The following TRPC7 variants were observed in gnomAD, a reference collection of about 807,000 sequenced individuals.
TRPC7 encodes the protein short transient receptor potential channel 7.
A neutral mutation model predicts 90.1 loss-of-function variants in TRPC7; 42 were observed. The observed-to-expected ratio is 0.47, with a 90% CI of 0.36 to 0.60. The LOEUF is 0.60. Among genes scored for constraint, TRPC7 ranks in the 20% least tolerant of loss-of-function variants. TRPC7 has a pLI of 0.00. For synonymous variants in TRPC7, 451 were observed against 436.3 expected (o/e 1.03, Z -0.42); for missense variants, 955 against 1,112.3 (o/e 0.86, Z 2.01).
At chr5:136,289,930 C>T (rs1045327961) in intron 3 of TRPC7, among the ~76,000 whole-genome samples, 1 of 152,208 alleles carries the variant, frequency 6.6e-6, no homozygotes, top group Non-Finnish European at 1.5e-5. Flanking sequence ...GCCAGGTACT[C>T]CTCTGAGACA....
At chr5:136,330,671 C>T (rs1021037598) in intron 2 of TRPC7, among the ~76,000 whole-genome samples, 2 of 152,242 alleles carry the variant, frequency 1.3e-5, no homozygotes, top group African/African-American at 2.4e-5. Flanking sequence ...TGTGTTTACA[C>T]ACCCGAGGGA....
intron 2 of TRPC7, among the ~76,000 whole-genome samples, chr5:136,317,194 T>C (rs1417293040): frequency 6.6e-6 from 1 of 152,118 alleles, no homozygotes; most frequent in Non-Finnish European, 1.5e-5. Flanking sequence ...GGCTCAGGCG[T>C]GTAAGAAACT....
At chr5:136,326,674 G>A (rs1759357241) in intron 2 of TRPC7, among the ~76,000 whole-genome samples, 1 of 152,170 alleles carries the variant, frequency 6.6e-6, no homozygotes, top group Non-Finnish European at 1.5e-5. Context: ...CAGTTAATGT[G>A]GTTGTTTTTT....
intron 2 of TRPC7, among the ~76,000 whole-genome samples, chr5:136,350,696 C>T (rs1566404): frequency 6.6e-6 from 1 of 152,054 alleles, no homozygotes; most frequent in African/African-American, 2.4e-5. Flanking sequence ...GTATGGGGTC[C>T]TGTGTCCAGA....
chr5:136,244,253 G>C (rs1443214053), intron 7 of TRPC7, among the ~76,000 whole-genome samples: 1 of 150,772 alleles, frequency 6.6e-6, no homozygotes, highest in Non-Finnish European at 1.5e-5. Flanking sequence ...GCCCAGGCTG[G>C]TCTCAAACTC....
intron 2 of TRPC7, among the ~76,000 whole-genome samples, chr5:136,331,519 CTT>C (rs927123743): frequency 6.6e-6 from 1 of 152,148 alleles, no homozygotes; most frequent in Non-Finnish European, 1.5e-5. Context: ...GCAAATTAAA[CTT>C]GAGTTCCTTT....
chr5:136,216,941 A>G (rs1160912965), intron 10 of TRPC7, among the ~76,000 whole-genome samples: 1 of 152,210 alleles, frequency 6.6e-6, no homozygotes, highest in Non-Finnish European at 1.5e-5. Context: ...AGTTCCATTT[A>G]TTATGAAGAT....
chr5:136,292,727 T>C (rs930197162), intron 3 of TRPC7, among the ~76,000 whole-genome samples: 4 of 152,228 alleles, frequency 2.6e-5, no homozygotes, highest in Admixed American at 1.3e-4. Flanking sequence ...AAGGAGGAGC[T>C]GGTACCATTC....
chr5:136,262,216 A>G (rs1756882680), intron 5 of TRPC7, among the ~76,000 whole-genome samples: 1 of 152,168 alleles, frequency 6.6e-6, no homozygotes, highest in Non-Finnish European at 1.5e-5. Context: ...TGATCCTTTA[A>G]AAACTGAAGT....
chr5:136,217,492 G>A (rs1382338280), intron 10 of TRPC7, among the ~76,000 whole-genome samples: 3 of 152,266 alleles, frequency 2.0e-5, no homozygotes, highest in African/African-American at 7.2e-5. Flanking sequence ...ACTGGGTTTA[G>A]CTCATTCAGG....
chr5:136,229,046 G>C (rs560659413), intron 8 of TRPC7, among the ~76,000 whole-genome samples: 1 of 152,186 alleles, frequency 6.6e-6, no homozygotes. Flanking sequence ...CGGGGGGAGT[G>C]GTGCAGAGAC....
chr5:136,253,482 T>C (rs1756591023), intron 5 of TRPC7, among the ~76,000 whole-genome samples: 1 of 152,218 alleles, frequency 6.6e-6, no homozygotes, highest in African/African-American at 2.4e-5. Flanking sequence ...CTATGTCATA[T>C]TTTGGTAATT....
chr5:136,304,173 C>T (rs1013027101), intron 3 of TRPC7, among the ~76,000 whole-genome samples: 3 of 152,076 alleles, frequency 2.0e-5, no homozygotes, highest in African/African-American at 2.4e-5. Context: ...TCCTTTGTGT[C>T]CTCCTCTTGT....
chr5:136,278,387 C>T (rs1247480714), intron 3 of TRPC7, among the ~76,000 whole-genome samples: 1 of 152,230 alleles, frequency 6.6e-6, no homozygotes, highest in African/African-American at 2.4e-5. Context: ...TGCCTTCCTT[C>T]CTCATTGCCC....
chr5:136,229,884 C>G (rs577790474), intron 8 of TRPC7, among the ~76,000 whole-genome samples: 2 of 152,238 alleles, frequency 1.3e-5, no homozygotes, highest in Non-Finnish European at 2.9e-5. Context: ...CCCCAGAGGA[C>G]GCCCGGTCAA....
chr5:136,220,558 C>T (rs1019003289), intron 10 of TRPC7, among the ~76,000 whole-genome samples: 3 of 152,102 alleles, frequency 2.0e-5, no homozygotes, highest in Non-Finnish European at 4.4e-5. Context: ...CAGTTTTTTG[C>T]TCTCGAACCC....
intron 10 of TRPC7, among the ~76,000 whole-genome samples, chr5:136,218,236 C>T (rs898579564): frequency 6.7e-5 from 10 of 148,564 alleles, no homozygotes; most frequent in African/African-American, 2.2e-4. Flanking sequence ...TATCCCTTTC[C>T]ATGAGACTCA....
chr5:136,315,762 T>C lies in TRPC7; in HGVS notation c.798A>G (p.Leu266=), dbSNP rs376054722. 155 of 1,613,696 alleles carry C rather than the reference T, an allele frequency of 9.6e-5. No homozygotes were observed. The highest frequency in any genetic ancestry group is 1.2e-4 in the Non-Finnish European group (147 of 1,179,800). The part of the protein sequence containing the change: ...ETEFKNDYRK[L]SMQCKDFVVG... ...CTACAAAATCCTTGCATTGCATAGA[T>C]AACTTCCTGTAATCGTTCTAACAGA... Residue 266 remains leucine, a synonymous_variant, in exon 3 of 12, where the codon TTA becomes TTG. Coordinates refer to ENST00000513104, the MANE Select transcript of TRPC7 (RefSeq NM_020389.3).
At chr5:136,223,568 G>A (rs1418543983) in intron 10 of TRPC7, among the ~76,000 whole-genome samples, 3 of 151,902 alleles carry the variant, frequency 2.0e-5, no homozygotes, top group Admixed American at 6.6e-5. Context: ...AGCCGAGATC[G>A]CACGATTGCA....
Sources: allele counts gnomAD v4.1 joint callset (sites outside exome capture counted in the v4.1 genomes callset), GRCh38; gene constraint gnomAD v4.1.1; transcripts MANE v1.5; gene names NCBI Gene and HGNC (gene_info 2026-07-23, HGNC 2026-07-21).